Variants in PRR5 observed in about 807,000 individuals in gnomAD.
PRR5 encodes the protein proline-rich protein 5.
A neutral mutation model predicts 30.6 loss-of-function variants in PRR5; 25 were observed. That is an observed-to-expected ratio of 0.82 (90% CI 0.60 to 1.14). The LOEUF is 1.14. Among genes scored for constraint, PRR5 ranks in the 50% most tolerant of loss-of-function variants. The pLI is 0.00. For missense variants in PRR5, 600 were observed against 547.1 expected (o/e 1.10, Z -0.96); for synonymous variants, 286 against 247.1 (o/e 1.16, Z -1.48).
At chr22:44,703,699 C>T (rs1021974806) in intron 1 of PRR5, among the ~76,000 whole-genome samples, 1 of 152,166 alleles carries the variant, frequency 6.6e-6, no homozygotes, top group Admixed American at 6.5e-5. Flanking sequence ...ATCTCCCTGA[C>T]CCAACGACTG....
intron 1 of PRR5, among the ~76,000 whole-genome samples, chr22:44,688,953 A>C (rs1469423698): frequency 6.6e-6 from 1 of 152,074 alleles, no homozygotes; most frequent in Non-Finnish European, 1.5e-5. Flanking sequence ...ACTCCACCGC[A>C]CTCCAGCTAT....
intron 6 of PRR5, among the ~76,000 whole-genome samples, chr22:44,732,960 T>C (rs566933429): frequency 2.0e-5 from 3 of 147,100 alleles, no homozygotes; most frequent in South Asian, 4.3e-4. Context: ...CACATACGCG[T>C]GCACACGCAT....
At chr22:44,676,043 G>A (rs1284437370), upstream of PRR5, among the ~76,000 whole-genome samples, 2 of 151,572 alleles carry the variant, frequency 1.3e-5, no homozygotes, top group Admixed American at 6.6e-5. Context: ...GGCTCAGATG[G>A]GCAAGTTACT....
chr22:44,690,484 C>T (rs1332609211), intron 1 of PRR5, among the ~76,000 whole-genome samples: 4 of 151,932 alleles, frequency 2.6e-5, no homozygotes, highest in Non-Finnish European at 4.4e-5. Context: ...GAGGCAGCCC[C>T]GCTCACTGTC....
intron 4 of PRR5, among the ~76,000 whole-genome samples, chr22:44,728,152 GAGGA>G (rs1265356929): frequency 3.8e-4 from 58 of 152,196 alleles, no homozygotes; most frequent in Non-Finnish European, 7.1e-4. Flanking sequence ...AGAAGGGGCA[GAGGA>G]CAGCCCTGGG....
At chr22:44,710,123 A>C (rs986269184) in intron 1 of PRR5, among the ~76,000 whole-genome samples, 5 of 152,066 alleles carry the variant, frequency 3.3e-5, no homozygotes, top group African/African-American at 1.2e-4. Flanking sequence ...TGGGTGCGGC[A>C]CTGTCCTCCC....
At position 44,736,800 on chromosome 22, in the gene PRR5, G is replaced by A. The variant is rs149767702; in HGVS notation, c.720G>A (p.Ser240=). 2.4e-5 allele frequency: 37 copies of A among 1,567,100 alleles called. No individual in the cohort carries two copies. The South Asian group carries it at 2.6e-4, about 11-fold the overall frequency. The part of the protein sequence containing the change: ...LEKRLLRRSR[S]GDVLAKNPVV... ...AGCGCCTCCTCCGCCGCTCCCGCTC[G>A]GGGGACGTGCTGGCCAAGAACCCTG... Residue 240 remains serine (S), a synonymous_variant, in exon 8 of 8, where the codon TCG becomes TCA. Coordinates refer to ENST00000336985, the MANE Select transcript of PRR5 (RefSeq NM_181333.4).
At chr22:44,732,144 C>G in intron 5 of PRR5, 107 bp from the exon 6 acceptor site, 1 of 1,535,350 alleles carries the variant, frequency 6.5e-7, no homozygotes, top group Non-Finnish European at 8.8e-7. Flanking sequence ...GTGGAGGGGC[C>G]TGAGGGTCGG....
intron 1 of PRR5, among the ~76,000 whole-genome samples, chr22:44,711,724 T>C (rs147592374): frequency 1.2e-3 from 178 of 152,188 alleles, no homozygotes; most frequent in African/African-American, 4.2e-3. Context: ...AGGAGAGAAC[T>C]TGGGAAGGCA....
At chr22:44,729,925 G>A in intron 4 of PRR5, 1 of 985,488 alleles carries the variant, frequency 1.0e-6, no homozygotes, top group South Asian at 4.7e-5. Flanking sequence ...GGACTGAAGG[G>A]ACTTTGTGTG....
chr22:44,694,838 T>C (rs1175156139), intron 1 of PRR5, among the ~76,000 whole-genome samples: 2 of 152,162 alleles, frequency 1.3e-5, no homozygotes, highest in Non-Finnish European at 2.9e-5. Context: ...GGACAGAGAC[T>C]AAAGCTTGAC....
rs190870729 is a variant in PRR5, at chr22:44,682,088, G to T, written c.-11+4848G>T. 2.0e-5 allele frequency among the ~76,000 whole-genome samples: 3 copies of T among 152,328 alleles called. 1 individual carries two copies. The highest frequency in any genetic ancestry group is 7.2e-5 in the African/African-American group (3 of 41,582). ...GGCCCACTGAGTTACAAGGGGCGTG[G>T]CCAGCAGAGCTGAGATGTCCTCAGG... On this transcript the variant is annotated intron_variant, in intron 1 of 8. Coordinates refer to the PRR5 transcript ENST00000006251.
In PRR5 at chr22:44,737,138, T is replaced by C; in HGVS notation, c.1058T>C (p.Leu353Pro). 1.2e-6 allele frequency: 2 copies of C among 1,612,672 alleles called. No individual in the cohort carries two copies. Among genetic ancestry groups the C allele is most frequent in the Non-Finnish European group, 1.7e-6 (2 of 1,179,998 alleles). Residue 353 changes from leucine to proline, a missense_variant, in exon 8 of 8, where the codon CTG becomes CCG. By Grantham distance (98) the Leu-to-Pro change is moderately conservative. Transcript: ENST00000336985. ...CCGGAGAACCTGGTGGACCAGATCC[T>C]GGAGTCCGTGGACTCGGATTCTGAA... Reference protein sequence around the residue: ...SSPENLVDQILESVDSDSEGI... With the variant: ...SSPENLVDQIPESVDSDSEGI...
rs780690639 is a variant in PRR5 at position 44,737,185 on chromosome 22, C to T, written c.1105C>T (p.Arg369Trp). 32 of 1,612,232 alleles carry T rather than the reference C, an allele frequency of 2.0e-5. No individual in the cohort carries two copies. Among genetic ancestry groups the T allele is most frequent in the African/African-American group, 1.2e-4 (9 of 74,924 alleles). ...DSEGIFIDFG[R>W]GRGSGMSDLE... The stretch of plus-strand genomic sequence containing the variant: ...TGAAGGGATTTTCATTGACTTTGGC[C>T]GGGGCCGGGGCTCTGGCATGTCCGA... Residue 369 changes from arginine to tryptophan, a missense_variant, in exon 8 of 8, where the codon CGG (arginine) becomes TGG (tryptophan). Physicochemically the swap from Arg to Trp is moderately radical, Grantham distance 101 (BLOSUM62 -3). Transcript: ENST00000336985.
At chr22:44,703,785 A>G (rs919134667) in intron 1 of PRR5, among the ~76,000 whole-genome samples, 5 of 152,166 alleles carry the variant, frequency 3.3e-5, no homozygotes, top group African/African-American at 1.2e-4. Context: ...TGGGAGGCCA[A>G]GATGGGAGGA....
intron 2 of PRR5, 77 bp from the exon 3 acceptor site, chr22:44,725,167 C>A: frequency 6.3e-7 from 1 of 1,592,924 alleles, no homozygotes; most frequent in South Asian, 1.1e-5. Flanking sequence ...CCCAGGAGGC[C>A]CCACCCCAGT....
chr22:44,734,980 C>A, intron 6 of PRR5, 47 bp from the exon 7 acceptor site: 1 of 1,577,870 alleles, frequency 6.3e-7, no homozygotes. Context: ...CTGGAGCCAC[C>A]AAGCTCGGGT....
At position 44,737,629 on chromosome 22, in the gene PRR5, G is replaced by C. The variant is rs953105575; in HGVS notation, c.*382G>C. ...GACTCCAGCACACCTGTCTCCTCCTGCCTGGGGTGGCCATGGGGATGGAAG... is the reference window on the plus strand; with the variant it reads ...GACTCCAGCACACCTGTCTCCTCCTCCCTGGGGTGGCCATGGGGATGGAAG... On this transcript the variant is annotated 3_prime_UTR_variant, in exon 8 of 8. Transcript: ENST00000336985. 4 of 209,164 alleles carry C rather than the reference G, an allele frequency of 1.9e-5. No homozygotes were observed. The Admixed American group carries it at 2.1e-4, about 11-fold the overall frequency. The allele number at this position is 209,164 out of a possible 1,614,324, so 13.0% of individuals were successfully genotyped here.
chr22:44,705,569 C>T (rs111773530), intron 1 of PRR5, among the ~76,000 whole-genome samples: 1,571 of 152,136 alleles, frequency 0.01, 30 homozygotes, highest in African/African-American at 0.036. Context: ...AGGTGATCTG[C>T]CCACCTCGGC....
Sources: gnomAD v4.1 joint callset for allele counts (sites outside exome capture counted in the v4.1 genomes callset) on GRCh38, gnomAD v4.1.1 for gene constraint, MANE v1.5 for transcripts, NCBI Gene and HGNC (gene_info 2026-07-23, HGNC 2026-07-21) for gene names.